ST3GAL4: variants seen among roughly 807,000 people sequenced by gnomAD.
ST3GAL4 encodes ST3 beta-galactoside alpha-2,3-sialyltransferase 4.
ST3GAL4 carries 24 observed loss-of-function variants against 42.6 expected under a neutral mutation model. The ratio of observed to expected loss-of-function variants is 0.56; its 90% CI spans 0.41 to 0.79. The LOEUF (loss-of-function observed/expected upper bound fraction) is 0.79, where lower values mean the gene tolerates loss of function less well. Among genes scored for constraint, ST3GAL4 ranks in the 30% least tolerant of loss-of-function variants. ST3GAL4 has a pLI of 0.00. For synonymous variants in ST3GAL4, 135 were observed against 163.2 expected (o/e 0.83, Z 1.32); for missense variants, 311 against 430.8 (o/e 0.72, Z 2.46).
chr11:126,379,524 CTGCAGTG>C lies in ST3GAL4; in HGVS notation c.-61+23683_-61+23689del, dbSNP rs1280593487. Among the ~76,000 whole-genome samples the C allele has an allele frequency of 6.6e-6, 1 of 152,132 alleles. No homozygotes were observed. Among genetic ancestry groups the C allele is most frequent in the African/African-American group, 2.4e-5 (1 of 41,412 alleles). On this transcript the variant is annotated intron_variant, in intron 1 of 10. Transcript: ENST00000444328. This position sits in a 1 kb window ranked among gnomAD's most constrained non-coding sequence, Gnocchi z 4.2. ...CGGAGTTTCTCTCTTGTTGCCCAGG[CTGCAGTG>C]CAGTGGCACGATCTTGGCTCACTGC...
chr11:126,359,791 C>A lies in ST3GAL4; in HGVS notation c.-61+3949C>A, dbSNP rs1348587849. Among the ~76,000 whole-genome samples, 1 of 150,952 alleles carries A rather than the reference C, an allele frequency of 6.6e-6. No homozygotes were observed. The highest frequency in any genetic ancestry group is 2.5e-5 in the African/African-American group (1 of 40,274). Reference sequence around the variant, plus strand: ...CGTGGGCCCTCCCAGCCTCCCCAGCCCCCACCTCTGCTGCTTTCCCTTGGC... The same window carrying A: ...CGTGGGCCCTCCCAGCCTCCCCAGCACCCACCTCTGCTGCTTTCCCTTGGC... On this transcript the variant is annotated intron_variant, in intron 1 of 10. Coordinates refer to ENST00000444328, the MANE Select transcript of ST3GAL4 (RefSeq NM_001254757.2). The surrounding 1 kb of genome is among the most constrained non-coding windows in gnomAD (Gnocchi z 4.8).
In ST3GAL4 at chr11:126,398,686, C is replaced by T. The variant is rs958570063; in HGVS notation, c.-60-7410C>T. 8.5e-5 allele frequency among the ~76,000 whole-genome samples: 13 copies of T among 152,226 alleles called. No homozygotes were observed. Among genetic ancestry groups the T allele is most frequent in the Admixed American group, 3.9e-4 (6 of 15,286 alleles). On this transcript the variant is annotated intron_variant, in intron 1 of 10. Coordinates refer to ENST00000444328, the MANE Select transcript of ST3GAL4 (RefSeq NM_001254757.2). This position sits in a 1 kb window ranked among gnomAD's most constrained non-coding sequence, Gnocchi z 4.7. ...CCTGCAACCAGTCTCTGCCTGGGTC[C>T]CGAGTCTGTCCGCAATATCCTTTGA... is the stretch of plus-strand genomic sequence containing the variant.
At chr11:126,385,377 C>T (rs1953188137) in intron 1 of ST3GAL4, among the ~76,000 whole-genome samples, 1 of 151,950 alleles carries the variant, frequency 6.6e-6, no homozygotes, top group East Asian at 1.9e-4. Context: ...TGGTCTCGAT[C>T]TCCTGACCTC....
rs1422058853 is a variant in ST3GAL4 at position 126,409,446 on chromosome 11, C to A, written c.771+35C>A. ...GGAAGTCAGGCCTGAGGGCTAGGAT[C>A]CTGGGCGGGAAGTAGGAGGGATGAT... is the stretch of plus-strand genomic sequence containing the variant. On this transcript the variant is annotated intron_variant, in intron 9 of 10. Coordinates refer to ENST00000444328, the MANE Select transcript of ST3GAL4 (RefSeq NM_001254757.2). This position sits in a 1 kb window ranked among gnomAD's most constrained non-coding sequence, Gnocchi z 4.9. 1 of 1,613,788 alleles carries A rather than the reference C, an allele frequency of 6.2e-7. No individual in the cohort carries two copies.
Position 126,413,540 on chromosome 11 carries a change from C to T in ST3GAL4, c.807C>T (p.Ala269=), listed in dbSNP as rs749917897. 5 of 1,614,254 alleles carry T rather than the reference C, an allele frequency of 3.1e-6. No individual in the cohort carries two copies. The South Asian group carries it at 5.5e-5, about 18-fold the overall frequency. The stretch of plus-strand genomic sequence containing the variant: ...CGGGCCTGTTGGCCATCACGCTGGC[C>T]CTCCACCTCTGTGACTTGGTGCACA... The part of the protein sequence containing the change: ...PTTGLLAITL[A]LHLCDLVHIA... Residue 269 remains alanine (A), a synonymous_variant, in exon 10 of 11, where the codon GCC becomes GCT. Coordinates refer to ENST00000444328, the MANE Select transcript of ST3GAL4 (RefSeq NM_001254757.2).
In ST3GAL4 at chr11:126,411,253, C is replaced by G. The variant is rs2135562363; in HGVS notation, c.771+1842C>G. ...CTCTGCCTCCCAGGTTCAAGTGATT[C>G]TCCTGCCTCAGCCTCCCAAGTAGCT... On this transcript the variant is annotated intron_variant, in intron 9 of 10. Transcript: ENST00000444328. The surrounding 1 kb of genome is among the most constrained non-coding windows in gnomAD (Gnocchi z 6.3). Among the ~76,000 whole-genome samples, 1 of 152,022 alleles carries G rather than the reference C, an allele frequency of 6.6e-6. No homozygotes were observed. The highest frequency in any genetic ancestry group is 2.4e-5 in the African/African-American group (1 of 41,474).
chr11:126,388,679 T>TTTTTTC lies in ST3GAL4; in HGVS notation c.-60-17415_-60-17414insTTTCTT, dbSNP rs1239186575. On this transcript the variant is annotated intron_variant, in intron 1 of 10. Coordinates refer to ENST00000444328, the MANE Select transcript of ST3GAL4 (RefSeq NM_001254757.2). ...TTTCTTGTTTTTTTTTTTTTTTTTT[T>TTTTTTC]TTCTGATTTACGTGAGCACATCATA... 2.4e-5 allele frequency among the ~76,000 whole-genome samples: 3 copies of TTTTTTC among 122,640 alleles called. 1 individual carries two copies. The highest frequency in any genetic ancestry group is 3.5e-5 in the African/African-American group (1 of 28,962). The allele number at this position is 122,640 out of a possible 152,430, so 80.5% of individuals were successfully genotyped here.
At position 126,366,557 on chromosome 11, in the gene ST3GAL4, G is replaced by A. The variant is rs1952433650; in HGVS notation, c.-61+10715G>A. Among the ~76,000 whole-genome samples the A allele has an allele frequency of 1.3e-5, 2 of 152,142 alleles. No homozygotes were observed. Among genetic ancestry groups the A allele is most frequent in the African/African-American group, 2.4e-5 (1 of 41,432 alleles). ...GTCTTCATTGAGTCCTCATCTGGGGGCCCTGTTCCACTCTCCTTCCCGTGT... is the reference window on the plus strand; with the variant it reads ...GTCTTCATTGAGTCCTCATCTGGGGACCCTGTTCCACTCTCCTTCCCGTGT... On this transcript the variant is annotated intron_variant, in intron 1 of 10. Transcript: ENST00000444328. The surrounding 1 kb of genome is among the most constrained non-coding windows in gnomAD (Gnocchi z 4.2).
At chr11:126,369,136 G>A (rs1363169175) in intron 1 of ST3GAL4, among the ~76,000 whole-genome samples, 2 of 152,182 alleles carry the variant, frequency 1.3e-5, no homozygotes, top group African/African-American at 2.4e-5. Flanking sequence ...CAGGTGATGC[G>A]TGTTCTAGGG....
intron 1 of ST3GAL4, among the ~76,000 whole-genome samples, chr11:126,377,241 G>A (rs1043023941): frequency 2.0e-5 from 3 of 151,470 alleles, no homozygotes. Context: ...CGCAATCTCA[G>A]CTCACTGTAA....
chr11:126,360,184 G>A (rs988817714), intron 1 of ST3GAL4, among the ~76,000 whole-genome samples: 1 of 152,224 alleles, frequency 6.6e-6, no homozygotes, highest in African/African-American at 2.4e-5. Context: ...TTCCTGGCAG[G>A]AGAGAATTAG....
In ST3GAL4 at chr11:126,396,048, C is replaced by G. The variant is rs568475526; in HGVS notation, c.-60-10048C>G. Among the ~76,000 whole-genome samples the G allele has an allele frequency of 6.6e-6, 1 of 151,980 alleles. No individual in the cohort carries two copies. Among genetic ancestry groups the G allele is most frequent in the Non-Finnish European group, 1.5e-5 (1 of 68,008 alleles). ...ATGACCGGTCTGTTCTTGGCACTTG[C>G]AATTAGCGGACCGTCTGTATCCGAG... On this transcript the variant is annotated intron_variant, in intron 1 of 10. Coordinates refer to ENST00000444328, the MANE Select transcript of ST3GAL4 (RefSeq NM_001254757.2). This position sits in a 1 kb window ranked among gnomAD's most constrained non-coding sequence, Gnocchi z 5.8.
intron 1 of ST3GAL4, among the ~76,000 whole-genome samples, chr11:126,360,530 T>A (rs905444405): frequency 2.0e-5 from 3 of 152,110 alleles, no homozygotes; most frequent in Admixed American, 2.0e-4. Flanking sequence ...TTCAAGTTAT[T>A]CTCCTGCCTC....
At position 126,366,750 on chromosome 11, in the gene ST3GAL4, C is replaced by T. The variant is rs772617945; in HGVS notation, c.-61+10908C>T. 5.9e-5 allele frequency among the ~76,000 whole-genome samples: 9 copies of T among 152,152 alleles called. No individual in the cohort carries two copies. The highest frequency in any genetic ancestry group is 1.3e-4 in the Non-Finnish European group (9 of 68,044). On this transcript the variant is annotated intron_variant, in intron 1 of 10. Transcript: ENST00000444328. This position sits in a 1 kb window ranked among gnomAD's most constrained non-coding sequence, Gnocchi z 4.2. ...CTGACCATGGTGTCCGTCTCAGTGC[C>T]CAGCAGATGTTCTGGTGAGGGGAGG...
Position 126,366,551 on chromosome 11 carries a change from C to G in ST3GAL4, c.-61+10709C>G, listed in dbSNP as rs1177705753. On this transcript the variant is annotated intron_variant, in intron 1 of 10. Transcript: ENST00000444328. This position sits in a 1 kb window ranked among gnomAD's most constrained non-coding sequence, Gnocchi z 4.2. ...TCCCACGTCTTCATTGAGTCCTCAT[C>G]TGGGGGCCCTGTTCCACTCTCCTTC... Among the ~76,000 whole-genome samples, 1 of 152,162 alleles carries G rather than the reference C, an allele frequency of 6.6e-6. No individual in the cohort carries two copies. Among genetic ancestry groups the G allele is most frequent in the Non-Finnish European group, 1.5e-5 (1 of 68,032 alleles).
rs1952891033 is a variant in ST3GAL4, at chr11:126,378,294, A to G, written c.-61+22452A>G. On this transcript the variant is annotated intron_variant, in intron 1 of 10. Transcript: ENST00000444328. The surrounding 1 kb of genome is among the most constrained non-coding windows in gnomAD (Gnocchi z 5.3). ...ACGAATGTCATGGTTATTCTCCGTC[A>G]CATCTGCGTCTGCACAGCGCCACGT... is the stretch of plus-strand genomic sequence containing the variant. 6.6e-6 allele frequency among the ~76,000 whole-genome samples: 1 copy of G among 152,230 alleles called. No homozygotes were observed. Among genetic ancestry groups the G allele is most frequent in the Non-Finnish European group, 1.5e-5 (1 of 68,044 alleles).
rs914036757 is a variant in ST3GAL4, at chr11:126,411,363, C to G, written c.771+1952C>G. ...AACACAGGAGTGCTGGTCTCGAACT[C>G]CTGACCTTAGGTGATCTACCCGCCT... On this transcript the variant is annotated intron_variant, in intron 9 of 10. Transcript: ENST00000444328. This position sits in a 1 kb window ranked among gnomAD's most constrained non-coding sequence, Gnocchi z 6.3. Among the ~76,000 whole-genome samples, 6 of 152,252 alleles carry G rather than the reference C, an allele frequency of 3.9e-5. No homozygotes were observed. Among genetic ancestry groups the G allele is most frequent in the African/African-American group, 1.4e-4 (6 of 41,552 alleles).
chr11:126,409,141 C>A lies in ST3GAL4; in HGVS notation c.628-127C>A. 1.7e-6 allele frequency: 2 copies of A among 1,191,664 alleles called. No individual in the cohort carries two copies. Among genetic ancestry groups the A allele is most frequent in the South Asian group, 1.4e-5 (1 of 71,822 alleles). The allele number at this position is 1,191,664 out of a possible 1,614,324, so 73.8% of individuals were successfully genotyped here. A position where few individuals can be genotyped will look rare whatever the true frequency, so the allele number is the denominator to read the frequency against. ...CACAGACTTCACCTCCCTTTCCTCTCACCTTGTGCTCCTGAAGGCCTCTGC... is the reference window on the plus strand; with the variant it reads ...CACAGACTTCACCTCCCTTTCCTCTAACCTTGTGCTCCTGAAGGCCTCTGC... On this transcript the variant is annotated intron_variant, in intron 8 of 10. Transcript: ENST00000444328. This position sits in a 1 kb window ranked among gnomAD's most constrained non-coding sequence, Gnocchi z 4.9.
chr11:126,407,999 G>T, intron 6 of ST3GAL4, 100 bp from the exon 7 acceptor site: 3 of 1,317,762 alleles, frequency 2.3e-6, no homozygotes, highest in Non-Finnish European at 3.1e-6. Context: ...GGGGCTGAGG[G>T]GGCCTAGGAA....
Sources: allele counts gnomAD v4.1 joint callset (sites outside exome capture counted in the v4.1 genomes callset), GRCh38; gene constraint gnomAD v4.1.1; non-coding constraint Gnocchi (gnomAD v3.1); transcripts MANE v1.5; gene names NCBI Gene and HGNC (gene_info 2026-07-23, HGNC 2026-07-21).